Variants in DLGAP2 observed in about 807,000 individuals in gnomAD.
The protein encoded by DLGAP2 is disks large-associated protein 2.
A neutral mutation model predicts 100.3 loss-of-function variants in DLGAP2; 26 were observed. That is an observed-to-expected ratio of 0.26 (90% CI 0.19 to 0.36). The LOEUF (loss-of-function observed/expected upper bound fraction) is 0.36. Ranked by LOEUF, DLGAP2 falls within the 10% of genes least tolerant of loss-of-function variation. DLGAP2 has a pLI of 1.00. For synonymous variants in DLGAP2, 886 were observed against 630.1 expected (o/e 1.41, Z -6.08); for missense variants, 1,858 against 1,453.2 (o/e 1.28, Z -4.53).
chr8:935,511 A>G (rs1799050777), intron 2 of DLGAP2, among the ~76,000 whole-genome samples: 1 of 152,166 alleles, frequency 6.6e-6, no homozygotes, highest in Non-Finnish European at 1.5e-5. Flanking sequence ...AATTAATCTC[A>G]CCTGTTTCTT....
At position 1,605,649 on chromosome 8, in the gene DLGAP2, C is replaced by T. The variant is rs191724684; in HGVS notation, c.1443-21091C>T. 1.7e-3 allele frequency among the ~76,000 whole-genome samples: 257 copies of T among 152,282 alleles called. 2 individuals carry two copies. The highest frequency in any genetic ancestry group is 3.2e-3 in the Non-Finnish European group (216 of 68,014). ...TTGTCCCCTCCAGCAAATCTGTGAT[C>T]CCGCTGATGTTACCTTCCCTGTTAT... On this transcript the variant is annotated intron_variant, in intron 6 of 14. Coordinates refer to ENST00000637795, the MANE Select transcript of DLGAP2 (RefSeq NM_001346810.2).
intron 3 of DLGAP2, among the ~76,000 whole-genome samples, chr8:1,473,301 G>T (rs1450530139): frequency 1.3e-5 from 2 of 152,176 alleles, no homozygotes; most frequent in Admixed American, 6.5e-5. Flanking sequence ...TTCAGGGGCT[G>T]AGTAGATGAA....
chr8:1,652,990 G>C (rs1395143498), intron 8 of DLGAP2, among the ~76,000 whole-genome samples: 1 of 152,196 alleles, frequency 6.6e-6, no homozygotes, highest in Non-Finnish European at 1.5e-5. Context: ...CAATTTCCTG[G>C]TGACCCAGAG....
intron 3 of DLGAP2, among the ~76,000 whole-genome samples, chr8:1,440,587 G>T (rs1002929071): frequency 6.6e-6 from 1 of 152,168 alleles, no homozygotes; most frequent in East Asian, 1.9e-4. Context: ...AGACTAAAGG[G>T]GGAAAACGGC....
chr8:1,557,253 G>A lies in DLGAP2; in HGVS notation c.1230+7570G>A, dbSNP rs1220233652. 3.9e-5 allele frequency among the ~76,000 whole-genome samples: 6 copies of A among 152,166 alleles called. No individual in the cohort carries two copies. In the East Asian group the frequency reaches 5.8e-4, roughly 15 times the overall value. ...GCGTGAGCTTTAGAACAAGACAGAC[G>A]CGTGGAACCTTCTCACAAGCTGTGC... On this transcript the variant is annotated intron_variant, in intron 5 of 14. Coordinates refer to ENST00000637795, the MANE Select transcript of DLGAP2 (RefSeq NM_001346810.2).
chr8:839,202 C>T (rs1796936779), intron 1 of DLGAP2, among the ~76,000 whole-genome samples: 1 of 152,182 alleles, frequency 6.6e-6, no homozygotes, highest in African/African-American at 2.4e-5. Flanking sequence ...AGAAATAGAA[C>T]TACCATGTGA....
intron 2 of DLGAP2, among the ~76,000 whole-genome samples, chr8:1,196,233 G>C (rs950113952): frequency 6.6e-6 from 1 of 152,204 alleles, no homozygotes; most frequent in Non-Finnish European, 1.5e-5. Context: ...TTTAGAAGTA[G>C]GCCACGTTTC....
intron 2 of DLGAP2, among the ~76,000 whole-genome samples, chr8:1,052,445 G>A (rs1159517492): frequency 6.6e-6 from 1 of 152,162 alleles, no homozygotes. Flanking sequence ...CTAGGAATGG[G>A]GAAATTTTGC....
intron 7 of DLGAP2, 110 bp downstream of exon 7, chr8:1,626,997 C>G (rs1797522534): frequency 3.7e-6 from 5 of 1,357,578 alleles, no homozygotes; most frequent in African/African-American, 1.4e-5. Context: ...GTCAGCAGCA[C>G]TTGGGCAAGG....
Position 1,548,786 on chromosome 8 carries a change from C to A in DLGAP2, c.333C>A (p.His111Gln), listed in dbSNP as rs757999012. 4 of 1,589,952 alleles carry A rather than the reference C, an allele frequency of 2.5e-6. No homozygotes were observed. The Admixed American group carries it at 5.2e-5, about 20-fold the overall frequency. Reference sequence around the variant, plus strand: ...CCCCGGAGGACTGCGAGCACCTGCACCACGGGCCCGACGCGCGGCCGCCCT... The same window carrying A: ...CCCCGGAGGACTGCGAGCACCTGCAACACGGGCCCGACGCGCGGCCGCCCT... ...LAPPEDCEHL[H>Q]HGPDARPPYL... The change falls in exon 5 of 15, where the codon CAC becomes CAA. Residue 111 changes from histidine to glutamine, a missense_variant. His to Gln is a conservative substitution (Grantham distance 24, BLOSUM62 0). Transcript: ENST00000637795.
intron 3 of DLGAP2, among the ~76,000 whole-genome samples, chr8:1,459,453 G>C (rs1484667033): frequency 2.0e-5 from 3 of 152,218 alleles, no homozygotes; most frequent in African/African-American, 7.2e-5. Context: ...TATTGCAACT[G>C]AGGAATGCTT....
Position 1,204,067 on chromosome 8 carries a change from G to C in DLGAP2, c.74-54784G>C, listed in dbSNP as rs552930932. 3.9e-5 allele frequency among the ~76,000 whole-genome samples: 6 copies of C among 152,360 alleles called. No individual in the cohort carries two copies. The South Asian group carries it at 1.2e-3, about 32-fold the overall frequency. Reference sequence around the variant, plus strand: ...CACCTGAGGATCTCAGGAGAATGCAGATTCTGACTCATGGGTCTGGAGCGG... The same window carrying C: ...CACCTGAGGATCTCAGGAGAATGCACATTCTGACTCATGGGTCTGGAGCGG... On this transcript the variant is annotated intron_variant, in intron 2 of 14. Coordinates refer to ENST00000637795, the MANE Select transcript of DLGAP2 (RefSeq NM_001346810.2).
At chr8:744,358 T>G (rs1205598846) in intron 1 of DLGAP2, among the ~76,000 whole-genome samples, 1 of 152,088 alleles carries the variant, frequency 6.6e-6, no homozygotes, top group African/African-American at 2.4e-5. Context: ...TGAGGAAGGG[T>G]CTTGATCACC....
chr8:1,567,097 C>G lies in DLGAP2; in HGVS notation c.1442+1203C>G, dbSNP rs182651457. ...AGACTTGTTGGAAGGAAATGGGGAG[C>G]AGGTGTTTGTAAGCCAGGAAATAAC... is the stretch of plus-strand genomic sequence containing the variant. On this transcript the variant is annotated intron_variant, in intron 6 of 14. Coordinates refer to ENST00000637795, the MANE Select transcript of DLGAP2 (RefSeq NM_001346810.2). Among the ~76,000 whole-genome samples, 45 of 152,236 alleles carry G rather than the reference C, an allele frequency of 3.0e-4. 1 individual carries two copies. The highest frequency in any genetic ancestry group is 1.0e-3 in the African/African-American group (42 of 41,548).
intron 6 of DLGAP2, among the ~76,000 whole-genome samples, chr8:1,591,149 C>G (rs1329141187): frequency 1.3e-5 from 2 of 152,220 alleles, no homozygotes; most frequent in Non-Finnish European, 2.9e-5. Context: ...TAGCCCTGTC[C>G]AGACAGACCT....
At chr8:1,157,956 A>G (rs1796822681) in intron 2 of DLGAP2, among the ~76,000 whole-genome samples, 1 of 152,228 alleles carries the variant, frequency 6.6e-6, no homozygotes, top group African/African-American at 2.4e-5. Context: ...TGTGCCTTCA[A>G]GAGTATCAGG....
intron 1 of DLGAP2, among the ~76,000 whole-genome samples, chr8:793,056 C>T (rs1795951274): frequency 6.6e-6 from 1 of 152,212 alleles, no homozygotes. Context: ...CAGTCATTTC[C>T]CTTAGCTGTA....
At chr8:979,006 C>T (rs13280975) in intron 2 of DLGAP2, among the ~76,000 whole-genome samples, 42,712 of 151,756 alleles carry the variant, frequency 0.28, 7,200 homozygotes, top group Admixed American at 0.39. Flanking sequence ...AAGCTTGGGT[C>T]ACTCCCCAGC....
At chr8:1,337,287 CGATGGT>C (rs1340232930) in intron 3 of DLGAP2, among the ~76,000 whole-genome samples, 9 of 50,174 alleles carry the variant, frequency 1.8e-4, no homozygotes, top group African/African-American at 6.9e-4. Context: ...GTGGTGGTGG[CGATGGT>C]GATGATGAGG....
Sources: allele counts gnomAD v4.1 joint callset (sites outside exome capture counted in the v4.1 genomes callset), GRCh38; gene constraint gnomAD v4.1.1; transcripts MANE v1.5; gene names NCBI Gene and HGNC (gene_info 2026-07-23, HGNC 2026-07-21).